The following CEP128 variants were observed in gnomAD, a reference collection of about 807,000 sequenced individuals.
The protein encoded by CEP128 is centrosomal protein 128.
In CEP128, 132 loss-of-function variants were observed where a neutral mutation model predicts 156.7. That is an observed-to-expected ratio of 0.84 (90% CI 0.73 to 0.97). The LOEUF is 0.97. CEP128 is among the 50% of genes least tolerant of loss of function. The pLI is 0.00. For synonymous variants in CEP128, 469 were observed against 448.9 expected (o/e 1.04, Z -0.57); for missense variants, 1,252 against 1,281.9 (o/e 0.98, Z 0.36).
intron 8 of CEP128, among the ~76,000 whole-genome samples, chr14:80,874,498 C>T (rs1888184109): frequency 6.6e-6 from 1 of 151,506 alleles, no homozygotes; most frequent in African/African-American, 2.4e-5. Context: ...AAGGAAAGAG[C>T]AAACATAGTA....
chr14:80,528,239 T>C (rs921237161), intron 22 of CEP128, among the ~76,000 whole-genome samples: 1 of 152,244 alleles, frequency 6.6e-6, no homozygotes, highest in African/African-American at 2.4e-5. Context: ...CTATTCCCTT[T>C]CTACCTAATC....
intron 2 of CEP128, among the ~76,000 whole-genome samples, chr14:80,935,145 C>A (rs1289137438): frequency 2.0e-5 from 3 of 152,146 alleles, no homozygotes; most frequent in Admixed American, 2.0e-4. Flanking sequence ...ACACTTGTTA[C>A]ATGTAAATGG....
At chr14:80,580,007 G>A (rs2140443630) in intron 20 of CEP128, among the ~76,000 whole-genome samples, 1 of 152,308 alleles carries the variant, frequency 6.6e-6, no homozygotes, top group Middle Eastern at 3.4e-3. Context: ...CACCCATGGG[G>A]TCAGAATACT....
chr14:80,479,841 T>G (rs751034054), intron 14 of CEP128, among the ~76,000 whole-genome samples: 5 of 152,168 alleles, frequency 3.3e-5, no homozygotes, highest in Non-Finnish European at 7.3e-5. Context: ...AAAAGGAAGC[T>G]AGTTACTTCC....
intron 20 of CEP128, among the ~76,000 whole-genome samples, chr14:80,563,599 T>C (rs1409418337): frequency 1.6e-5 from 2 of 128,774 alleles, no homozygotes; most frequent in Admixed American, 1.8e-4. Flanking sequence ...AGTGGCACAA[T>C]CTCGGCTCAC....
intron 19 of CEP128, among the ~76,000 whole-genome samples, chr14:80,701,026 G>A (rs553975356): frequency 6.6e-6 from 1 of 152,240 alleles, no homozygotes; most frequent in South Asian, 2.1e-4. Context: ...CCTTCTCTGT[G>A]CTCTGCGTGG....
chr14:80,897,684 A>C (rs79346384), intron 7 of CEP128, among the ~76,000 whole-genome samples: 11,532 of 152,178 alleles, frequency 0.076, 493 homozygotes, highest in African/African-American at 0.1. Context: ...TCTTCAAACA[A>C]ACCCCTGTCC....
intron 19 of CEP128, among the ~76,000 whole-genome samples, chr14:80,660,358 TA>T (rs1181452519): frequency 6.6e-6 from 1 of 152,090 alleles, no homozygotes; most frequent in Non-Finnish European, 1.5e-5. Context: ...CTTATTGTAT[TA>T]TGAGTTCTGA....
intron 19 of CEP128, among the ~76,000 whole-genome samples, chr14:80,589,166 C>A (rs1267706228): frequency 6.6e-6 from 1 of 152,002 alleles, no homozygotes; most frequent in Non-Finnish European, 1.5e-5. Flanking sequence ...CTGGAAAAGG[C>A]AAGAAAACAG....
chr14:80,518,675 GT>G (rs1888602723), intron 23 of CEP128, among the ~76,000 whole-genome samples: 1 of 152,084 alleles, frequency 6.6e-6, no homozygotes, highest in African/African-American at 2.4e-5. Flanking sequence ...ATTTATGACT[GT>G]TATTCCTTCC....
intron 8 of CEP128, among the ~76,000 whole-genome samples, chr14:80,871,919 T>C (rs1300832550): frequency 2.6e-5 from 4 of 152,168 alleles, no homozygotes; most frequent in Non-Finnish European, 5.9e-5. Context: ...CTTTTCAATA[T>C]GTTGATTCCT....
intron 19 of CEP128, among the ~76,000 whole-genome samples, chr14:80,712,327 C>G (rs1897442053): frequency 6.6e-6 from 1 of 152,144 alleles, no homozygotes. Flanking sequence ...CAGGGTACAA[C>G]TGACAACCTG....
intron 23 of CEP128, among the ~76,000 whole-genome samples, chr14:80,519,390 G>T (rs1888634230): frequency 6.6e-6 from 1 of 152,092 alleles, no homozygotes; most frequent in South Asian, 2.1e-4. Flanking sequence ...TTTCTCTCTG[G>T]AATATTATAA....
intron 19 of CEP128, among the ~76,000 whole-genome samples, chr14:80,724,959 A>G (rs1018918290): frequency 4.1e-5 from 6 of 147,836 alleles, no homozygotes; most frequent in Admixed American, 2.7e-4. Flanking sequence ...ACATTTATAT[A>G]TAATATATAT....
rs530818086 is a variant in CEP128, at chr14:80,810,840, A to C, written c.1210-17730T>G. Among the ~76,000 whole-genome samples, 3 of 152,274 alleles carry C rather than the reference A, an allele frequency of 2.0e-5. No homozygotes were observed. The East Asian group carries it at 5.8e-4, about 29-fold the overall frequency. On this transcript the variant is annotated intron_variant, in intron 13 of 24. Transcript: ENST00000555265. ...TGTGTAGGATGTGCAGGTATGTTAC[A>C]TAGGTAAATGGGTGCCATGGTGGTT...
intron 9 of CEP128, among the ~76,000 whole-genome samples, chr14:80,855,958 T>G (rs568026373): frequency 1.6e-4 from 24 of 152,324 alleles, no homozygotes; most frequent in African/African-American, 5.3e-4. Context: ...GTGGTATCTG[T>G]ATTACTCAGC....
At chr14:80,801,130 T>G (rs1472354161) in intron 13 of CEP128, among the ~76,000 whole-genome samples, 3 of 152,190 alleles carry the variant, frequency 2.0e-5, no homozygotes, top group African/African-American at 4.8e-5. Flanking sequence ...GTTCAAGGAC[T>G]TTTTTGGCTG....
chr14:80,851,782 A>G (rs768368276), intron 9 of CEP128, among the ~76,000 whole-genome samples: 4 of 152,090 alleles, frequency 2.6e-5, no homozygotes, highest in Non-Finnish European at 5.9e-5. Flanking sequence ...TGTAAGAAAC[A>G]TGGAAAAATG....
At chr14:80,678,049 A>AGAAATATAT (rs1555390206) in intron 19 of CEP128, among the ~76,000 whole-genome samples, 1 of 98,502 alleles carries the variant, frequency 1.0e-5, no homozygotes. Flanking sequence ...ATAAAAAAAA[A>AGAAATATAT]ATATATATAT....
Sources: allele counts gnomAD v4.1 joint callset (sites outside exome capture counted in the v4.1 genomes callset), GRCh38; gene constraint gnomAD v4.1.1; transcripts MANE v1.5; gene names NCBI Gene and HGNC (gene_info 2026-07-23, HGNC 2026-07-21).